Variants in SMPX observed in about 807,000 individuals in gnomAD.
SMPX encodes small muscular protein.
A neutral mutation model predicts 6.3 loss-of-function variants in SMPX; 2 were observed. That is an observed-to-expected ratio of 0.32 (90% CI 0.13 to 0.99). The LOEUF is 0.99. Among genes scored for constraint, SMPX ranks in the 50% least tolerant of loss-of-function variants. SMPX has a pLI of 0.49. For missense variants in SMPX, 60 were observed against 66.8 expected, an observed-to-expected ratio of 0.90 and a Z score of 0.36; for synonymous variants, 32 against 24.7, an observed-to-expected ratio of 1.30 and a Z score of -0.88.
chrX:21,706,602 T>C (rs1270008584), intron 4 of SMPX, among the ~76,000 whole-genome samples: 1 of 111,752 alleles, frequency 8.9e-6, no homozygotes, highest in African/African-American at 3.3e-5. Context: ...TTAAGATCTC[T>C]TAGCAATTTT....
At chrX:21,755,674 A>G (rs7053234) in intron 1 of SMPX, among the ~76,000 whole-genome samples, 1,675 of 112,357 alleles carry the variant, frequency 0.015, 24 homozygotes, top group African/African-American at 0.052. Flanking sequence ...TGAAATCTCT[A>G]AAGTCTTAGG....
intron 4 of SMPX, among the ~76,000 whole-genome samples, chrX:21,718,950 G>C (rs1340849922): frequency 8.9e-6 from 1 of 112,488 alleles, no homozygotes; most frequent in Non-Finnish European, 1.9e-5. Context: ...ATTTCAAAGA[G>C]GATCCTGAAA....
intron 3 of SMPX, among the ~76,000 whole-genome samples, chrX:21,742,084 A>G (rs2092816651): frequency 8.9e-6 from 1 of 112,290 alleles, no homozygotes; most frequent in African/African-American, 3.2e-5. Context: ...GGAAAATGAA[A>G]TGTGAGCCTC....
At chrX:21,741,292 T>C (rs188714822) in intron 3 of SMPX, among the ~76,000 whole-genome samples, 3 of 112,405 alleles carry the variant, frequency 2.7e-5, no homozygotes, top group Non-Finnish European at 5.6e-5. Context: ...AAAGATGGTA[T>C]GTTATGATCT....
At chrX:21,756,192 AATT>A (rs1425364536) in intron 1 of SMPX, among the ~76,000 whole-genome samples, 94 of 112,790 alleles carry the variant, frequency 8.3e-4, no homozygotes, top group African/African-American at 2.9e-3. Flanking sequence ...TTGTTAAAAA[AATT>A]ATTGTACATC....
rs143512027 is a variant in SMPX, at chrX:21,717,764, G to A, written c.*15-11370C>T. 2.2e-3 allele frequency among the ~76,000 whole-genome samples: 250 copies of A among 112,482 alleles called. 1 individual carries two copies. The highest frequency in any genetic ancestry group is 7.2e-3 in the African/African-American group (224 of 30,967). ...AAACACAGGAAGCCATGGATGCTTT[G>A]CCCAGTTTAAGAGGCAACAGAAAAG... On this transcript the variant is annotated intron_variant, in intron 4 of 4. Transcript: ENST00000379494.
intron 3 of SMPX, among the ~76,000 whole-genome samples, chrX:21,741,448 A>T (rs2092815952): frequency 9.0e-6 from 1 of 111,675 alleles, no homozygotes; most frequent in Non-Finnish European, 1.9e-5. Flanking sequence ...TTATTTTCCC[A>T]TTCAAACTAT....
chrX:21,722,304 A>G (rs1047769098), intron 4 of SMPX, among the ~76,000 whole-genome samples: 1 of 112,622 alleles, frequency 8.9e-6, no homozygotes, highest in Non-Finnish European at 1.9e-5. Flanking sequence ...ACAGAAGTAT[A>G]CTTGAATGAA....
chrX:21,743,464 T>G (rs1233009804), intron 3 of SMPX, among the ~76,000 whole-genome samples: 2 of 111,152 alleles, frequency 1.8e-5, no homozygotes, highest in African/African-American at 6.6e-5. Context: ...AACAATCAGT[T>G]AATCAGTCAA....
intron 2 of SMPX, among the ~76,000 whole-genome samples, chrX:21,752,673 A>G (rs2092828663): frequency 9.1e-6 from 1 of 109,834 alleles, no homozygotes. Flanking sequence ...GTGTGCCACA[A>G]TGCCTGGCTA....
chrX:21,731,570 A>ATGTGTACACATACACAT (rs1569306615), intron 4 of SMPX, among the ~76,000 whole-genome samples: 3 of 40,126 alleles, frequency 7.5e-5, no homozygotes, highest in East Asian at 2.9e-3. Flanking sequence ...CATTATGTGT[A>ATGTGTACACATACACAT]TATGTGTATA....
chrX:21,718,280 T>A (rs2092787509), intron 4 of SMPX, among the ~76,000 whole-genome samples: 1 of 112,173 alleles, frequency 8.9e-6, no homozygotes, highest in Non-Finnish European at 1.9e-5. Flanking sequence ...GAATGAAGTT[T>A]GCAAACCTTA....
intron 2 of SMPX, among the ~76,000 whole-genome samples, chrX:21,753,738 C>T (rs898658767): frequency 2.0e-4 from 22 of 112,322 alleles, no homozygotes; most frequent in African/African-American, 6.8e-4. Context: ...TCAGTTTAAA[C>T]AACCAAGGAA....
chrX:21,715,301 TGTGCGCGCAC>T (rs1302408783), intron 4 of SMPX, among the ~76,000 whole-genome samples: 3 of 87,612 alleles, frequency 3.4e-5, no homozygotes, highest in East Asian at 3.3e-4. Context: ...TGTGTGTGTG[TGTGCGCGCAC>T]GCGCGCGCGC....
At chrX:21,749,518 T>G (rs73453576) in intron 2 of SMPX, among the ~76,000 whole-genome samples, 1 of 111,633 alleles carries the variant, frequency 9.0e-6, no homozygotes, top group Non-Finnish European at 1.9e-5. Flanking sequence ...CCTCCAGCCT[T>G]ACTCTCTGTG....
intron 4 of SMPX, among the ~76,000 whole-genome samples, chrX:21,715,397 GT>G (rs1408798825): frequency 1.8e-5 from 2 of 110,771 alleles, no homozygotes; most frequent in East Asian, 5.7e-4. Context: ...CCTGGAGGGA[GT>G]TTTTTTAACC....
At chrX:21,715,333 T>TG (rs892370367) in intron 4 of SMPX, among the ~76,000 whole-genome samples, 8 of 107,570 alleles carry the variant, frequency 7.4e-5, no homozygotes, top group African/African-American at 1.4e-4. Context: ...CGCGCGCTGG[T>TG]GGGGGGTTAA....
At chrX:21,720,474 G>A (rs781102899) in intron 4 of SMPX, among the ~76,000 whole-genome samples, 9 of 112,677 alleles carry the variant, frequency 8.0e-5, no homozygotes, top group African/African-American at 2.6e-4. Context: ...CCTGATCCAC[G>A]GAAACTGTGA....
intron 4 of SMPX, among the ~76,000 whole-genome samples, chrX:21,730,579 C>G (rs1206391894): frequency 8.9e-6 from 1 of 111,877 alleles, no homozygotes; most frequent in Non-Finnish European, 1.9e-5. Context: ...TTTTATCAAA[C>G]AAGAAAATAG....
Sources: allele counts gnomAD v4.1 joint callset (sites outside exome capture counted in the v4.1 genomes callset), GRCh38; gene constraint gnomAD v4.1.1; transcripts MANE v1.5; gene names NCBI Gene and HGNC (gene_info 2026-07-23, HGNC 2026-07-21).